The following MED6 variants were observed in gnomAD, a reference collection of about 807,000 sequenced individuals.
The protein encoded by MED6 is mediator of RNA polymerase II transcription subunit 6.
A neutral mutation model predicts 37.5 loss-of-function variants in MED6; 33 were observed. The ratio of observed to expected loss-of-function variants is 0.88; its 90% CI spans 0.67 to 1.18. The LOEUF (loss-of-function observed/expected upper bound fraction) is 1.18, where lower values mean the gene tolerates loss of function less well. MED6 is among the 50% of genes most tolerant of loss of function. The pLI is 0.00. For missense variants in MED6, 235 were observed against 290.6 expected, an observed-to-expected ratio of 0.81 and a Z score of 1.39; for synonymous variants, 94 against 93.6, an observed-to-expected ratio of 1.00 and a Z score of -0.02.
At chr14:70,594,643 C>A in intron 3 of MED6, 1 of 431,574 alleles carries the variant, frequency 2.3e-6, no homozygotes. Flanking sequence ...GTCAGCAGCA[C>A]GGCCAGCGTC....
At chr14:70,591,121 C>A (rs1192460759) in intron 6 of MED6, 145 bp downstream of exon 6, 5 of 620,308 alleles carry the variant, frequency 8.1e-6, no homozygotes, top group Non-Finnish European at 8.2e-6. Flanking sequence ...TCTTTCGAAA[C>A]CTTTCCTTTG....
rs1884659216 is a variant in MED6, at chr14:70,584,923, CCT to C, written c.629_630del (p.Glu210GlyfsTer11). ...KPVPVDQTKK[E>X]AEPIPETVKP... ...TTTACAGTTTCTGGTATAGGTTCTG[CCT>C]CTTTCTTTGTTTGATCCACTAGATA... On this transcript the variant is annotated frameshift_variant, in exon 8 of 8. Transcript: ENST00000256379. LOFTEE classifies it high-confidence loss of function. 6.2e-7 allele frequency: 1 copy of C among 1,613,806 alleles called. No individual in the cohort carries two copies. Among genetic ancestry groups the C allele is most frequent in the South Asian group, 1.1e-5 (1 of 91,058 alleles).
At chr14:70,585,294 C>T (rs901462271) in intron 7 of MED6, among the ~76,000 whole-genome samples, 2 of 152,132 alleles carry the variant, frequency 1.3e-5, no homozygotes, top group African/African-American at 4.8e-5. Flanking sequence ...GATGAAGAAA[C>T]CTCGAATCAC....
intron 4 of MED6, 53 bp from the exon 5 acceptor site, chr14:70,593,041 C>T (rs769516894): frequency 1.2e-6 from 2 of 1,605,402 alleles, no homozygotes; most frequent in South Asian, 2.2e-5. Flanking sequence ...CCAAACTTTC[C>T]AAAGTAAATA....
chr14:70,595,399 A>G, intron 3 of MED6: 1 of 568,426 alleles, frequency 1.8e-6, no homozygotes, highest in Admixed American at 2.1e-5. Flanking sequence ...CAGTCTGCCA[A>G]GGTTGGGGTT....
chr14:70,595,037 C>T, intron 3 of MED6: 2 of 564,086 alleles, frequency 3.5e-6, no homozygotes, highest in Admixed American at 1.9e-5. Context: ...GCCCATCTTG[C>T]TGCTGATAGA....
intron 3 of MED6, chr14:70,595,394 T>G: frequency 5.3e-6 from 3 of 567,010 alleles, no homozygotes; most frequent in Non-Finnish European, 1.0e-5. Flanking sequence ...CTATGCAGTC[T>G]GCCAAGGTTG....
intron 1 of MED6, among the ~76,000 whole-genome samples, chr14:70,599,081 G>A (rs1270795919): frequency 6.6e-6 from 1 of 152,176 alleles, no homozygotes; most frequent in African/African-American, 2.4e-5. Flanking sequence ...ACACCACTAG[G>A]TGTAAATCAT....
intron 3 of MED6, 112 bp downstream of exon 3, chr14:70,596,498 TG>T: frequency 1.4e-6 from 1 of 702,786 alleles, no homozygotes; most frequent in Non-Finnish European, 2.4e-6. Context: ...AACATGTATG[TG>T]GTCTTGGAGA....
At chr14:70,599,223 C>T (rs1419774233) in intron 1 of MED6, among the ~76,000 whole-genome samples, 1 of 151,808 alleles carries the variant, frequency 6.6e-6, no homozygotes, top group African/African-American at 2.4e-5. Context: ...GTGACTCAAC[C>T]GAGAAAAATT....
chr14:70,586,727 G>GATATTACATA (rs1884719074), intron 6 of MED6, among the ~76,000 whole-genome samples: 1 of 152,120 alleles, frequency 6.6e-6, no homozygotes, highest in Non-Finnish European at 1.5e-5. Context: ...GATATTACAT[G>GATATTACATA]TTCCAGGTTC....
Position 70,600,627 on chromosome 14 carries a change from ACCG to A in MED6, c.8_10del (p.Ala3del). The A allele has an allele frequency of 6.2e-7, 1 of 1,611,410 alleles. No individual in the cohort carries two copies. Among genetic ancestry groups the A allele is most frequent in the Non-Finnish European group, 8.5e-7 (1 of 1,178,932 alleles). ...GCAATACAGTATACCTCGGATATCC[ACCG>A]CCGCCATAATTCCGAGAGCGTTTAC... On this transcript the variant is annotated inframe_deletion, in exon 1 of 8. Transcript: ENST00000256379.
Position 70,584,947 on chromosome 14 carries a change from G to C in MED6, c.611-4C>G. The C allele has an allele frequency of 6.2e-7, 1 of 1,611,726 alleles. No homozygotes were observed. The highest frequency in any genetic ancestry group is 8.5e-7 in the Non-Finnish European group (1 of 1,179,380). ...GCCTCTTTCTTTGTTTGATCCACTAGATATCAAAAGTAGATTTTTTGGGAG... is the reference window on the plus strand; with the variant it reads ...GCCTCTTTCTTTGTTTGATCCACTACATATCAAAAGTAGATTTTTTGGGAG... On this transcript the variant is annotated splice_polypyrimidine_tract_variant and splice_region_variant and intron_variant, in intron 7 of 7. Coordinates refer to ENST00000256379, the MANE Select transcript of MED6 (RefSeq NM_005466.4).
intron 3 of MED6, chr14:70,594,905 T>C: frequency 1.6e-6 from 1 of 621,580 alleles, no homozygotes; most frequent in South Asian, 1.4e-5. Flanking sequence ...CAGGAGCACC[T>C]GGATAAGAAG....
rs1011326572 is a variant in MED6, at chr14:70,591,198, A to T, written c.582+68T>A. 4 of 1,187,086 alleles carry T rather than the reference A, an allele frequency of 3.4e-6. No homozygotes were observed. The African/African-American group carries it at 6.3e-5, about 19-fold the overall frequency. The allele number at this position is 1,187,086 out of a possible 1,614,324, so 73.5% of individuals were successfully genotyped here. ...TTAGGTCACATCTGAAACAGTTCTC[A>T]ATTAAAAATTAATATATATGCCATA... On this transcript the variant is annotated intron_variant, in intron 6 of 7. Coordinates refer to ENST00000256379, the MANE Select transcript of MED6 (RefSeq NM_005466.4).
chr14:70,585,727 G>A (rs1884687705), intron 7 of MED6, 29 bp downstream of exon 7: 7 of 1,558,924 alleles, frequency 4.5e-6, no homozygotes, highest in Admixed American at 1.9e-5. Context: ...CTTATTTCAA[G>A]CGTAATAAGA....
intron 3 of MED6, chr14:70,595,145 T>TACAG (rs56151422): frequency 1 from 532,209 of 532,274 alleles, 266,072 homozygotes; most frequent in Middle Eastern, 1. Context: ...CGGCTTCAGC[T>TACAG]ACAGAGATTG....
At chr14:70,589,440 A>G (rs896862485) in intron 6 of MED6, among the ~76,000 whole-genome samples, 4 of 152,130 alleles carry the variant, frequency 2.6e-5, no homozygotes, top group African/African-American at 9.7e-5. Flanking sequence ...TAAATACCCA[A>G]TGGGTCCTTA....
intron 5 of MED6, 51 bp from the exon 6 acceptor site, chr14:70,591,432 C>T (rs1412251947): frequency 7.1e-7 from 1 of 1,413,018 alleles, no homozygotes; most frequent in African/African-American, 1.4e-5. Context: ...AGTTTGGTGT[C>T]TCATATTTTA....
Sources: gnomAD v4.1 joint callset for allele counts (sites outside exome capture counted in the v4.1 genomes callset) on GRCh38, gnomAD v4.1.1 for gene constraint, MANE v1.5 for transcripts, NCBI Gene and HGNC (gene_info 2026-07-23, HGNC 2026-07-21) for gene names.